Variants in RGMB observed in about 807,000 individuals in gnomAD.
RGMB encodes the protein repulsive guidance molecule BMP co-receptor b.
A neutral mutation model predicts 26.9 loss-of-function variants in RGMB; 16 were observed. That is an observed-to-expected ratio of 0.60 (90% CI 0.40 to 0.90). The LOEUF (loss-of-function observed/expected upper bound fraction) is 0.90, where lower values mean the gene tolerates loss of function less well. Ranked by LOEUF, RGMB falls within the 40% of genes least tolerant of loss-of-function variation. The pLI, the probability that RGMB is intolerant of heterozygous loss-of-function variation, is 0.00. For synonymous variants in RGMB, 225 were observed against 229.3 expected, an observed-to-expected ratio of 0.98 and a Z score of 0.17; for missense variants, 512 against 573.3, an observed-to-expected ratio of 0.89 and a Z score of 1.09.
At chr5:98,786,397 TGA>T (rs1341457625) in intron 2 of RGMB, among the ~76,000 whole-genome samples, 1 of 152,234 alleles carries the variant, frequency 6.6e-6, no homozygotes, top group Non-Finnish European at 1.5e-5. Flanking sequence ...GATACACAGC[TGA>T]GAGTTAGAAC....
chr5:98,789,768 CAAT>C (rs1269668834), intron 2 of RGMB, among the ~76,000 whole-genome samples: 1 of 152,094 alleles, frequency 6.6e-6, no homozygotes, highest in Non-Finnish European at 1.5e-5. Flanking sequence ...TGCCATCTAT[CAAT>C]AATAAATGGT....
At chr5:98,784,638 A>C (rs1196144124) in intron 2 of RGMB, among the ~76,000 whole-genome samples, 4 of 152,218 alleles carry the variant, frequency 2.6e-5, no homozygotes. Flanking sequence ...TTCAGTTGTC[A>C]TTTTAAGTAT....
chr5:98,787,323 G>T (rs1746793771), intron 2 of RGMB, among the ~76,000 whole-genome samples: 1 of 152,136 alleles, frequency 6.6e-6, no homozygotes, highest in African/African-American at 2.4e-5. Flanking sequence ...AGAGCCTGTG[G>T]TTTTCTAATC....
At chr5:98,792,818 C>A in intron 2 of RGMB, 1 of 272,370 alleles carries the variant, frequency 3.7e-6, no homozygotes, top group Non-Finnish European at 6.9e-6. Flanking sequence ...CAACACTGCT[C>A]ACTTGCTCAC....
chr5:98,790,918 T>C (rs890949333), intron 2 of RGMB, among the ~76,000 whole-genome samples: 3 of 152,222 alleles, frequency 2.0e-5, no homozygotes, highest in Non-Finnish European at 4.4e-5. Context: ...TCTGTATTGT[T>C]GACTTTCAAC....
In RGMB at chr5:98,793,443, A is replaced by C; in HGVS notation, c.1004A>C (p.His335Pro). Residue 335 changes from histidine (H) to proline (P), a missense_variant, in exon 3 of 3, where the codon CAC becomes CCC. Coordinates refer to ENST00000513185, the MANE Select transcript of RGMB (RefSeq NM_001366508.1). ...GQGQVSAILGHSLPRTSLVQA... is the reference protein window; with the variant it reads ...GQGQVSAILGPSLPRTSLVQA... ...GGCCAGGTGTCTGCCATCCTGGGACACAGCCTGCCTCGCACCTCCTTGGTG... is the reference window on the plus strand; with the variant it reads ...GGCCAGGTGTCTGCCATCCTGGGACCCAGCCTGCCTCGCACCTCCTTGGTG... The C allele has an allele frequency of 6.2e-7, 1 of 1,612,508 alleles. No individual in the cohort carries two copies.
Position 98,793,704 on chromosome 5 carries a change from T to C in RGMB, c.1265T>C (p.Leu422Ser). ...GNGTPRGGSD[L>S]SVSLGLTCLI... ...GGGACTCCCCGTGGAGGCAGTGATT[T>C]GTCTGTCAGTCTAGGACTCACCTGC... is the stretch of plus-strand genomic sequence containing the variant. The change falls in exon 3 of 3, where the codon TTG (leucine) becomes TCG (serine). Residue 422 changes from leucine (L) to serine (S), a missense_variant. Transcript: ENST00000513185. 3.1e-6 allele frequency: 5 copies of C among 1,608,806 alleles called. No individual in the cohort carries two copies. Among genetic ancestry groups the C allele is most frequent in the Non-Finnish European group, 4.2e-6 (5 of 1,177,460 alleles).
intron 2 of RGMB, among the ~76,000 whole-genome samples, chr5:98,785,596 C>T (rs1219135217): frequency 2.0e-5 from 3 of 152,176 alleles, no homozygotes; most frequent in Non-Finnish European, 1.5e-5. Context: ...GGCCTAGAAC[C>T]CTGGCTCCCA....
Position 98,793,154 on chromosome 5 carries a change from C to T in RGMB, c.715C>T (p.Leu239=), listed in dbSNP as rs1489887810. 11 of 1,613,836 alleles carry T rather than the reference C, an allele frequency of 6.8e-6. No homozygotes were observed. The Admixed American group carries it at 1.8e-4, about 27-fold the overall frequency. The change falls in exon 3 of 3, where the codon CTG becomes TTG. Residue 239 remains leucine (L), a synonymous_variant. Transcript: ENST00000513185. The stretch of plus-strand genomic sequence containing the variant: ...AGTCTACCAAGCTGTGACAGATGAC[C>T]TGCCGGCCGCCTTTGTGGATGGCAC... ...QKVYQAVTDD[L]PAAFVDGTTS... is the part of the protein sequence containing the mutation.
upstream of RGMB, chr5:98,769,720 A>G (rs1010035378): frequency 6.6e-6 from 1 of 152,634 alleles, no homozygotes; most frequent in Admixed American, 6.5e-5. Context: ...TTAGGTCTCC[A>G]TCCACCTGTG....
At chr5:98,788,758 C>T (rs1324944087) in intron 2 of RGMB, among the ~76,000 whole-genome samples, 1 of 152,200 alleles carries the variant, frequency 6.6e-6, no homozygotes, top group Non-Finnish European at 1.5e-5. Flanking sequence ...TTAGGTGCTT[C>T]AGAGCATCCT....
intron 2 of RGMB, among the ~76,000 whole-genome samples, chr5:98,785,732 A>G (rs1746750957): frequency 1.3e-5 from 2 of 152,196 alleles, no homozygotes; most frequent in Non-Finnish European, 2.9e-5. Context: ...ATTCTCATAA[A>G]AGCATATGTT....
intron 1 of RGMB, among the ~76,000 whole-genome samples, chr5:98,776,673 C>A (rs997903728): frequency 6.6e-6 from 1 of 152,240 alleles, no homozygotes; most frequent in Non-Finnish European, 1.5e-5. Context: ...TAGCCCTCTT[C>A]GCTCCCATCA....
chr5:98,792,524 A>C (rs936530479), intron 2 of RGMB, among the ~76,000 whole-genome samples: 1 of 152,098 alleles, frequency 6.6e-6, no homozygotes, highest in African/African-American at 2.4e-5. Flanking sequence ...GCTTGAGGCC[A>C]GGAGTTCAAG....
At chr5:98,788,781 C>G (rs929662321) in intron 2 of RGMB, among the ~76,000 whole-genome samples, 2 of 152,118 alleles carry the variant, frequency 1.3e-5, no homozygotes, top group Non-Finnish European at 2.9e-5. Context: ...TCTCTGACTT[C>G]GTAACATTTA....
At chr5:98,771,496 AC>A (rs1366832254), upstream of RGMB, among the ~76,000 whole-genome samples, 2 of 152,182 alleles carry the variant, frequency 1.3e-5, no homozygotes, top group Non-Finnish European at 2.9e-5. Context: ...GAGTGTGTCA[AC>A]TGACCTATGT....
chr5:98,772,062 T>C (rs1008628182), upstream of RGMB, among the ~76,000 whole-genome samples: 2 of 152,248 alleles, frequency 1.3e-5, no homozygotes, highest in Non-Finnish European at 2.9e-5. Context: ...AATTGCAAGA[T>C]AGTAAATTTT....
At chr5:98,785,346 T>C (rs1746739875) in intron 2 of RGMB, among the ~76,000 whole-genome samples, 2 of 152,162 alleles carry the variant, frequency 1.3e-5, no homozygotes, top group South Asian at 4.1e-4. Flanking sequence ...AACCCAGCAT[T>C]TTCAGGGTTC....
Position 98,793,629 on chromosome 5 carries a change from C to T in RGMB, c.1190C>T (p.Ala397Val). 6.2e-7 allele frequency: 1 copy of T among 1,614,002 alleles called. No individual in the cohort carries two copies. Among genetic ancestry groups the T allele is most frequent in the South Asian group, 1.1e-5 (1 of 91,086 alleles). ...AAHSALEDVEALHPRKERWHI... is the reference protein window; with the variant it reads ...AAHSALEDVEVLHPRKERWHI... ...CACAGTGCCTTGGAGGATGTGGAGGCCCTGCACCCAAGGAAGGAACGCTGG... is the reference window on the plus strand; with the variant it reads ...CACAGTGCCTTGGAGGATGTGGAGGTCCTGCACCCAAGGAAGGAACGCTGG... The change falls in exon 3 of 3, where the codon GCC becomes GTC. Residue 397 changes from alanine (A) to valine (V), a missense_variant. Physicochemically the swap from Ala to Val is moderately conservative, Grantham distance 64 (BLOSUM62 0). Transcript: ENST00000513185.
Sources: gnomAD v4.1 joint callset for allele counts (sites outside exome capture counted in the v4.1 genomes callset) on GRCh38, gnomAD v4.1.1 for gene constraint, MANE v1.5 for transcripts, NCBI Gene and HGNC (gene_info 2026-07-23, HGNC 2026-07-21) for gene names.